FBXL20: variants seen among roughly 807,000 people sequenced by gnomAD.
FBXL20 encodes F-box/LRR-repeat protein 20.
A neutral mutation model predicts 64.0 loss-of-function variants in FBXL20; 11 were observed. That is an observed-to-expected ratio of 0.17 (90% CI 0.11 to 0.28). FBXL20 has a LOEUF of 0.28. FBXL20 is among the 10% of genes least tolerant of loss of function. The probability of loss-of-function intolerance (pLI) is 1.00; values close to 1 mark genes in which losing one functional copy is unlikely to be tolerated. For missense variants in FBXL20, 303 were observed against 526.2 expected (o/e 0.58, Z 4.15); for synonymous variants, 184 against 189.0 (o/e 0.97, Z 0.22).
chr17:39,324,019 C>T (rs547028148), intron 2 of FBXL20, among the ~76,000 whole-genome samples: 1 of 139,134 alleles, frequency 7.2e-6, no homozygotes, highest in Non-Finnish European at 1.5e-5. Flanking sequence ...CCCCCTCCCC[C>T]CCCCACCCCC....
chr17:39,343,317 C>A, intron 1 of FBXL20, 76 bp from the exon 2 acceptor site: 2 of 1,023,728 alleles, frequency 2.0e-6, no homozygotes, highest in Non-Finnish European at 2.8e-6. Flanking sequence ...AGTTTAGAGG[C>A]AATTCTCTCA....
intron 9 of FBXL20, among the ~76,000 whole-genome samples, chr17:39,277,326 A>T (rs1190601363): frequency 1.3e-5 from 2 of 152,226 alleles, no homozygotes; most frequent in Non-Finnish European, 2.9e-5. Context: ...ATCAATACAC[A>T]TGCAAATTTA....
At chr17:39,290,178 T>C (rs1284532257) in intron 6 of FBXL20, among the ~76,000 whole-genome samples, 1 of 152,028 alleles carries the variant, frequency 6.6e-6, no homozygotes, top group African/African-American at 2.4e-5. Context: ...TATTTTTGGG[T>C]ATTACTATAA....
chr17:39,275,156 AAG>A, intron 9 of FBXL20, 56 bp from the exon 10 acceptor site: 1 of 1,532,642 alleles, frequency 6.5e-7, no homozygotes. Context: ...AAAACAAAAA[AAG>A]AAAAAAATGA....
At chr17:39,280,235 C>CA (rs35241441) in intron 9 of FBXL20, among the ~76,000 whole-genome samples, 69,560 of 105,320 alleles carry the variant, frequency 0.66, 23,097 homozygotes, top group South Asian at 0.87. Context: ...GACTCCGTCT[C>CA]AAAAAAAAAA....
chr17:39,332,253 A>G (rs2047468479), intron 2 of FBXL20, among the ~76,000 whole-genome samples: 2 of 152,244 alleles, frequency 1.3e-5, no homozygotes, highest in African/African-American at 4.8e-5. Flanking sequence ...ATGTGCAGAA[A>G]AGAGTTAACA....
At chr17:39,345,868 C>A (rs999270730) in intron 1 of FBXL20, among the ~76,000 whole-genome samples, 3 of 152,134 alleles carry the variant, frequency 2.0e-5, no homozygotes, top group African/African-American at 7.2e-5. Context: ...CAATAACCTA[C>A]GTTCCAGATA....
intron 14 of FBXL20, among the ~76,000 whole-genome samples, chr17:39,263,724 G>A (rs559570869): frequency 1.3e-5 from 2 of 152,262 alleles, no homozygotes; most frequent in South Asian, 4.1e-4. Context: ...AAAAGTCTAT[G>A]TCTACTTTAC....
intron 2 of FBXL20, among the ~76,000 whole-genome samples, chr17:39,341,977 G>C (rs2047587354): frequency 6.6e-6 from 1 of 152,170 alleles, no homozygotes; most frequent in Admixed American, 6.6e-5. Flanking sequence ...TTCAGGAAAT[G>C]TTATCTCTTG....
chr17:39,288,427 A>C (rs978068298), intron 6 of FBXL20, among the ~76,000 whole-genome samples: 1 of 152,080 alleles, frequency 6.6e-6, no homozygotes, highest in African/African-American at 2.4e-5. Flanking sequence ...TAGATATATG[A>C]CCTGCAAATA....
chr17:39,300,956 T>C (rs755346883), intron 4 of FBXL20, 45 bp downstream of exon 4: 3 of 1,547,690 alleles, frequency 1.9e-6, no homozygotes, highest in Non-Finnish European at 2.7e-6. Flanking sequence ...TTCCATGCTG[T>C]AATTACTAAC....
At chr17:39,372,872 G>A (rs75103177) in intron 1 of FBXL20, among the ~76,000 whole-genome samples, 13 of 152,108 alleles carry the variant, frequency 8.5e-5, no homozygotes, top group Admixed American at 2.6e-4. Context: ...TGATCCACCC[G>A]CCTCAGCCTC....
intron 10 of FBXL20, among the ~76,000 whole-genome samples, chr17:39,271,826 C>A (rs2046846749): frequency 6.6e-6 from 1 of 152,074 alleles, no homozygotes; most frequent in Non-Finnish European, 1.5e-5. Flanking sequence ...AAGTAGCTCT[C>A]TTCTGTGAAA....
intron 2 of FBXL20, among the ~76,000 whole-genome samples, chr17:39,331,401 T>C (rs2047460090): frequency 6.6e-6 from 1 of 152,156 alleles, no homozygotes; most frequent in Non-Finnish European, 1.5e-5. Context: ...ATGCTCAGCC[T>C]AATTTTTGTA....
intron 7 of FBXL20, among the ~76,000 whole-genome samples, chr17:39,284,252 T>C (rs563880006): frequency 6.6e-6 from 1 of 152,334 alleles, no homozygotes; most frequent in East Asian, 1.9e-4. Context: ...ATTTTATAAA[T>C]GATAAAAGTT....
rs939813284 is a variant in FBXL20, at chr17:39,261,121, A to T, written c.*339T>A. The T allele has an allele frequency of 4.6e-6, 1 of 218,944 alleles. No homozygotes were observed. Among genetic ancestry groups the T allele is most frequent in the Non-Finnish European group, 9.3e-6 (1 of 107,678 alleles). The allele number at this position is 218,944 out of a possible 1,614,324, so 13.6% of individuals were successfully genotyped here. On this transcript the variant is annotated 3_prime_UTR_variant, in exon 15 of 15. Transcript: ENST00000264658. The stretch of plus-strand genomic sequence containing the variant: ...CAAAGAAACCCCTAGACAAAAATTT[A>T]AAAACCACAGTAGCATTAACACGGG...
rs2046667278 is a variant in FBXL20, at chr17:39,253,335, T to A, written c.*8125A>T. 6.6e-6 allele frequency: 1 copy of A among 152,250 alleles called. No individual in the cohort carries two copies. The highest frequency in any genetic ancestry group is 1.5e-5 in the Non-Finnish European group (1 of 68,118). The allele number at this position is 152,250 out of a possible 1,614,324, so 9.4% of individuals were successfully genotyped here. A position where few individuals can be genotyped will look rare whatever the true frequency, so the allele number is the denominator to read the frequency against. Reference sequence around the variant, plus strand: ...AAAGGTGAGCAGAGCAGCTGAGAAGTGCACATGGTAGGTTACCTGGAAACA... The same window carrying A: ...AAAGGTGAGCAGAGCAGCTGAGAAGAGCACATGGTAGGTTACCTGGAAACA... On this transcript the variant is annotated 3_prime_UTR_variant, in exon 15 of 15. Transcript: ENST00000264658.
At chr17:39,297,293 T>C in intron 5 of FBXL20, 98 bp from the exon 6 acceptor site, 1 of 697,100 alleles carries the variant, frequency 1.4e-6, no homozygotes, top group Non-Finnish European at 2.4e-6. Context: ...ATATTGATTG[T>C]TGATATCTGT....
chr17:39,279,953 G>A (rs2046933399), intron 9 of FBXL20, among the ~76,000 whole-genome samples: 1 of 152,104 alleles, frequency 6.6e-6, no homozygotes, highest in Non-Finnish European at 1.5e-5. Context: ...GGCCGAGGCA[G>A]GCAGATCACC....
Sources: gnomAD v4.1 joint callset for allele counts (sites outside exome capture counted in the v4.1 genomes callset) on GRCh38, gnomAD v4.1.1 for gene constraint, MANE v1.5 for transcripts, NCBI Gene and HGNC (gene_info 2026-07-23, HGNC 2026-07-21) for gene names.